Variants in GRIA1 observed in about 807,000 individuals in gnomAD.
GRIA1 encodes the protein glutamate receptor 1.
In GRIA1, 31 loss-of-function variants were observed where a neutral mutation model predicts 99.2. The observed-to-expected ratio is 0.31, with a 90% CI of 0.23 to 0.42. The LOEUF is 0.42. Ranked by LOEUF, GRIA1 falls within the 10% of genes least tolerant of loss-of-function variation. The pLI, the probability that GRIA1 is intolerant of heterozygous loss-of-function variation, is 1.00. For synonymous variants in GRIA1, 438 were observed against 432.4 expected (o/e 1.01, Z -0.16); for missense variants, 782 against 1,157.5 (o/e 0.68, Z 4.71).
At chr5:153,721,449 T>C (rs980159499) in intron 11 of GRIA1, among the ~76,000 whole-genome samples, 2 of 152,226 alleles carry the variant, frequency 1.3e-5, no homozygotes, top group Admixed American at 6.5e-5. Flanking sequence ...TCAGTGCCTG[T>C]GTAATCAGCA....
At chr5:153,602,961 C>T (rs1765119098) in intron 2 of GRIA1, among the ~76,000 whole-genome samples, 1 of 152,122 alleles carries the variant, frequency 6.6e-6, no homozygotes, top group South Asian at 2.1e-4. Flanking sequence ...TTTAATCATG[C>T]TAAGCTTATA....
chr5:153,556,167 AT>A (rs1196160920), intron 2 of GRIA1, among the ~76,000 whole-genome samples: 2 of 152,054 alleles, frequency 1.3e-5, no homozygotes, highest in Non-Finnish European at 2.9e-5. Flanking sequence ...TATAGCTGCA[AT>A]TTTTTCAGAG....
At chr5:153,499,122 C>T (rs1452929097) in intron 2 of GRIA1, among the ~76,000 whole-genome samples, 2 of 152,174 alleles carry the variant, frequency 1.3e-5, no homozygotes, top group East Asian at 3.8e-4. Context: ...TGAAGACCTA[C>T]TATGTGCCAA....
At chr5:153,799,528 C>G (rs1434197953) in intron 14 of GRIA1, among the ~76,000 whole-genome samples, 1 of 152,204 alleles carries the variant, frequency 6.6e-6, no homozygotes, top group African/African-American at 2.4e-5. Flanking sequence ...TACACCAACA[C>G]CAGTCCTTCA....
chr5:153,596,764 ATT>A (rs1402469441), intron 2 of GRIA1, among the ~76,000 whole-genome samples: 2 of 152,184 alleles, frequency 1.3e-5, no homozygotes, highest in Non-Finnish European at 2.9e-5. Context: ...AGCCTTAGAG[ATT>A]AAAATGGGTT....
At chr5:153,543,244 T>C (rs1759299721) in intron 2 of GRIA1, among the ~76,000 whole-genome samples, 1 of 152,100 alleles carries the variant, frequency 6.6e-6, no homozygotes, top group Non-Finnish European at 1.5e-5. Flanking sequence ...CCAGTGGTAA[T>C]ATTATAATGG....
intron 2 of GRIA1, among the ~76,000 whole-genome samples, chr5:153,580,883 G>A (rs554421304): frequency 7.9e-5 from 12 of 152,258 alleles, no homozygotes; most frequent in South Asian, 6.2e-4. Context: ...TCAGTGGGAC[G>A]TCTCTGACTT....
intron 2 of GRIA1, among the ~76,000 whole-genome samples, chr5:153,568,550 A>G (rs1409801488): frequency 6.6e-6 from 1 of 152,092 alleles, no homozygotes; most frequent in African/African-American, 2.4e-5. Flanking sequence ...TGTCATCATT[A>G]AGCTCTCATT....
At chr5:153,674,410 A>G (rs991763991) in intron 5 of GRIA1, 90 bp from the exon 6 acceptor site, 27 of 1,418,112 alleles carry the variant, frequency 1.9e-5, no homozygotes, top group Non-Finnish European at 2.7e-5. Flanking sequence ...ATCTGGTGGA[A>G]CTGAATGGAA....
intron 11 of GRIA1, among the ~76,000 whole-genome samples, chr5:153,747,008 A>C (rs1265764864): frequency 6.6e-6 from 1 of 152,200 alleles, no homozygotes; most frequent in Non-Finnish European, 1.5e-5. Flanking sequence ...CTGTGACCTT[A>C]AATAAATTAT....
chr5:153,791,793 G>T (rs1048799092), intron 13 of GRIA1, among the ~76,000 whole-genome samples: 3 of 151,856 alleles, frequency 2.0e-5, no homozygotes, highest in African/African-American at 7.3e-5. Context: ...CTCACTTTCT[G>T]GTCCTTTTCT....
chr5:153,571,270 A>G (rs1232206974), intron 2 of GRIA1, among the ~76,000 whole-genome samples: 1 of 152,098 alleles, frequency 6.6e-6, no homozygotes, highest in African/African-American at 2.4e-5. Flanking sequence ...TACACAGTAC[A>G]TTTGTCCATG....
intron 2 of GRIA1, among the ~76,000 whole-genome samples, chr5:153,548,973 A>G (rs2113530398): frequency 8.0e-6 from 1 of 125,552 alleles, no homozygotes; most frequent in East Asian, 2.0e-4. Flanking sequence ...TAATGTGTTC[A>G]ACAGAGTCTT....
At chr5:153,602,042 AG>A (rs1431158038) in intron 2 of GRIA1, among the ~76,000 whole-genome samples, 1 of 152,202 alleles carries the variant, frequency 6.6e-6, no homozygotes, top group African/African-American at 2.4e-5. Flanking sequence ...TATATACCAA[AG>A]GACTATAAAT....
chr5:153,770,635 C>T (rs1022020586), intron 13 of GRIA1, among the ~76,000 whole-genome samples: 1 of 152,100 alleles, frequency 6.6e-6, no homozygotes, highest in Middle Eastern at 3.2e-3. Context: ...CTGTCACTGC[C>T]CATGTGTTCT....
intron 2 of GRIA1, among the ~76,000 whole-genome samples, chr5:153,636,271 G>A (rs1263916862): frequency 6.6e-6 from 1 of 152,164 alleles, no homozygotes; most frequent in East Asian, 1.9e-4. Context: ...GAAAATGAAT[G>A]TAGGAGATTG....
At chr5:153,575,588 A>G (rs916930152) in intron 2 of GRIA1, among the ~76,000 whole-genome samples, 3 of 152,210 alleles carry the variant, frequency 2.0e-5, no homozygotes, top group African/African-American at 7.2e-5. Flanking sequence ...TGAAACCTAA[A>G]GAGGGAACAG....
chr5:153,695,723 G>T (rs1378051568), intron 8 of GRIA1, among the ~76,000 whole-genome samples: 1 of 152,184 alleles, frequency 6.6e-6, no homozygotes, highest in African/African-American at 2.4e-5. Flanking sequence ...CTTCCACCTT[G>T]ACTAACAGCA....
intron 11 of GRIA1, among the ~76,000 whole-genome samples, chr5:153,744,136 A>G (rs531432234): frequency 1.3e-5 from 2 of 152,150 alleles, no homozygotes; most frequent in Non-Finnish European, 2.9e-5. Context: ...TCCTTGTTAG[A>G]GGGAGGGCAT....
Sources: gnomAD v4.1 joint callset for allele counts (sites outside exome capture counted in the v4.1 genomes callset) on GRCh38, gnomAD v4.1.1 for gene constraint, MANE v1.5 for transcripts, NCBI Gene and HGNC (gene_info 2026-07-23, HGNC 2026-07-21) for gene names.